TMC1: variants seen among roughly 807,000 people sequenced by gnomAD.
TMC1 encodes transmembrane channel-like protein 1.
In TMC1, 84 loss-of-function variants were observed where a neutral mutation model predicts 105.8. The ratio of observed to expected loss-of-function variants is 0.79; its 90% CI spans 0.67 to 0.95. The LOEUF is 0.95. TMC1 is among the 40% of genes least tolerant of loss of function. The pLI is 0.00. For missense variants in TMC1, 817 were observed against 914.1 expected (o/e 0.89, Z 1.37); for synonymous variants, 315 against 311.5 (o/e 1.01, Z -0.12).
chr9:72,772,673 G>A (rs1827949941), intron 13 of TMC1, 118 bp downstream of exon 13: 1 of 1,334,216 alleles, frequency 7.5e-7, no homozygotes, highest in Non-Finnish European at 1.1e-6. Flanking sequence ...AACAGAGTCT[G>A]TAAGAGATGA....
intron 2 of TMC1, among the ~76,000 whole-genome samples, chr9:72,595,055 G>A (rs1341685908): frequency 1.3e-5 from 2 of 151,824 alleles, no homozygotes; most frequent in Non-Finnish European, 1.5e-5. Flanking sequence ...TAGTAGAGAC[G>A]GGGTTTCTTT....
Position 72,565,784 on chromosome 9 carries a change from A to C in TMC1, c.-427-12118A>C, listed in dbSNP as rs538418055. 3.3e-5 allele frequency among the ~76,000 whole-genome samples: 5 copies of C among 152,274 alleles called. No individual in the cohort carries two copies. The East Asian group carries it at 9.7e-4, about 29-fold the overall frequency. ...GCAGGCAAGAGCGTGTGTGCAGGGG[A>C]ATTGCCCTTTATAAAACCATCGGAT... On this transcript the variant is annotated intron_variant, in intron 1 of 23. Transcript: ENST00000297784.
At chr9:72,693,603 A>G (rs1051690535) in intron 6 of TMC1, among the ~76,000 whole-genome samples, 2 of 152,116 alleles carry the variant, frequency 1.3e-5, no homozygotes, top group Non-Finnish European at 2.9e-5. Flanking sequence ...TTGAAATATA[A>G]TTTTTTCTCT....
chr9:72,693,345 A>G (rs1254133721), intron 6 of TMC1, among the ~76,000 whole-genome samples: 1 of 152,206 alleles, frequency 6.6e-6, no homozygotes, highest in East Asian at 1.9e-4. Context: ...AGTTCAAAGG[A>G]ACGTCCAAAG....
chr9:72,772,447 A>C lies in TMC1; in HGVS notation c.776A>C (p.Tyr259Ser). Residue 259 changes from tyrosine to serine, a missense_variant, in exon 13 of 24, where the codon TAT (tyrosine) becomes TCT (serine). Coordinates refer to ENST00000297784, the MANE Select transcript of TMC1 (RefSeq NM_138691.3). ...LAQYSVLFYG[Y>S]YDNKRTIGWM... is the part of the protein sequence containing the mutation. ...CAATATTCCGTTCTCTTTTATGGCT[A>C]TTATGACAATAAACGAACAATTGGA... 6.2e-7 allele frequency: 1 copy of C among 1,613,950 alleles called. No individual in the cohort carries two copies. The highest frequency in any genetic ancestry group is 8.5e-7 in the Non-Finnish European group (1 of 1,179,854).
At chr9:72,597,492 G>T (rs1406502892) in intron 2 of TMC1, among the ~76,000 whole-genome samples, 1 of 152,152 alleles carries the variant, frequency 6.6e-6, no homozygotes, top group Non-Finnish European at 1.5e-5. Flanking sequence ...TGTAGGTACT[G>T]GTATGAGATG....
intron 18 of TMC1, among the ~76,000 whole-genome samples, chr9:72,810,062 A>C (rs1296874820): frequency 6.6e-6 from 1 of 151,838 alleles, no homozygotes; most frequent in Non-Finnish European, 1.5e-5. Context: ...AGATGAAAGA[A>C]AGAATTCCCG....
intron 8 of TMC1, among the ~76,000 whole-genome samples, chr9:72,722,729 T>G (rs1336182303): frequency 6.6e-6 from 1 of 152,160 alleles, no homozygotes; most frequent in Non-Finnish European, 1.5e-5. Flanking sequence ...GCAGAACAAT[T>G]AACATGACTG....
At chr9:72,764,235 A>G (rs1827796827) in intron 12 of TMC1, among the ~76,000 whole-genome samples, 1 of 152,192 alleles carries the variant, frequency 6.6e-6, no homozygotes, top group African/African-American at 2.4e-5. Context: ...CATAATACCA[A>G]GGCATCTCCC....
intron 10 of TMC1, among the ~76,000 whole-genome samples, chr9:72,747,946 T>G (rs1053326678): frequency 6.6e-6 from 1 of 152,164 alleles, no homozygotes; most frequent in Non-Finnish European, 1.5e-5. Flanking sequence ...CATTTATCAG[T>G]CTGATTAAAG....
chr9:72,825,083 G>A (rs920601826), intron 20 of TMC1, among the ~76,000 whole-genome samples: 2 of 152,148 alleles, frequency 1.3e-5, no homozygotes, highest in Non-Finnish European at 2.9e-5. Context: ...TAGAGATTGG[G>A]GATAGAGAAG....
intron 13 of TMC1, among the ~76,000 whole-genome samples, chr9:72,784,517 T>C (rs1485672958): frequency 2.6e-5 from 4 of 152,224 alleles, no homozygotes; most frequent in Non-Finnish European, 4.4e-5. Context: ...TCAGCCACTG[T>C]GGCAAGCAAT....
intron 2 of TMC1, among the ~76,000 whole-genome samples, chr9:72,595,823 T>A (rs1824708587): frequency 6.6e-6 from 1 of 150,928 alleles, no homozygotes; most frequent in South Asian, 2.1e-4. Context: ...ATTACAGGCA[T>A]GCACCACCAC....
rs1228273662 is a variant in TMC1 at position 72,806,713 on chromosome 9, G to A, written c.1695+1203G>A. On this transcript the variant is annotated intron_variant, in intron 18 of 23. Coordinates refer to ENST00000297784, the MANE Select transcript of TMC1 (RefSeq NM_138691.3). The stretch of plus-strand genomic sequence containing the variant: ...TCACTTCCTAGATGTGATGGTGGCC[G>A]GGAAGAGGTGCTCCTCACTTCCTAG... 3.3e-5 allele frequency among the ~76,000 whole-genome samples: 5 copies of A among 151,596 alleles called. No individual in the cohort carries two copies. The South Asian group carries it at 6.3e-4, about 19-fold the overall frequency.
chr9:72,695,978 T>A (rs1826543737), intron 7 of TMC1, among the ~76,000 whole-genome samples: 1 of 152,210 alleles, frequency 6.6e-6, no homozygotes, highest in Admixed American at 6.5e-5. Flanking sequence ...GATTGTTAGT[T>A]CCATTATTAT....
At chr9:72,716,046 G>T (rs1826911931) in intron 8 of TMC1, among the ~76,000 whole-genome samples, 1 of 152,180 alleles carries the variant, frequency 6.6e-6, no homozygotes, top group African/African-American at 2.4e-5. Context: ...GAGTTTGCTG[G>T]AGGTCCACTC....
chr9:72,737,348 C>T (rs1460343996), intron 8 of TMC1, among the ~76,000 whole-genome samples: 1 of 152,182 alleles, frequency 6.6e-6, no homozygotes, highest in Admixed American at 6.5e-5. Context: ...GTAATAATCC[C>T]TTCAACACGT....
At chr9:72,759,466 A>G (rs1209705095) in intron 12 of TMC1, among the ~76,000 whole-genome samples, 8 of 152,330 alleles carry the variant, frequency 5.3e-5, no homozygotes, top group South Asian at 4.1e-4. Flanking sequence ...ATTATGACCT[A>G]TTCCTCTTCC....
At chr9:72,674,373 T>C (rs1826169759) in intron 5 of TMC1, among the ~76,000 whole-genome samples, 1 of 152,200 alleles carries the variant, frequency 6.6e-6, no homozygotes, top group South Asian at 2.1e-4. Flanking sequence ...AGACATATAC[T>C]TGCCCTCAGA....
Sources: allele counts gnomAD v4.1 joint callset (sites outside exome capture counted in the v4.1 genomes callset), GRCh38; gene constraint gnomAD v4.1.1; transcripts MANE v1.5; gene names NCBI Gene and HGNC (gene_info 2026-07-23, HGNC 2026-07-21).